Variants in FMN1 observed in about 807,000 individuals in gnomAD.
The protein encoded by FMN1 is formin-1.
Under a neutral mutation model 132.4 loss-of-function variants are expected in FMN1, and 110 were observed. The observed-to-expected ratio is 0.83, with a 90% CI of 0.71 to 0.97. The LOEUF (loss-of-function observed/expected upper bound fraction) is 0.97. Ranked by LOEUF, FMN1 falls within the 50% of genes least tolerant of loss-of-function variation. The pLI is 0.00. For missense variants in FMN1, 1,792 were observed against 1,705.3 expected (o/e 1.05, Z -0.90); for synonymous variants, 722 against 651.7 (o/e 1.11, Z -1.64).
intron 9 of FMN1, among the ~76,000 whole-genome samples, chr15:32,929,546 C>T (rs1251231510): frequency 6.6e-6 from 1 of 152,164 alleles, no homozygotes; most frequent in East Asian, 1.9e-4. Flanking sequence ...TTTCACCTTG[C>T]GTAACAGAAA....
At chr15:32,890,881 T>C (rs2141511311) in intron 15 of FMN1, among the ~76,000 whole-genome samples, 1 of 152,358 alleles carries the variant, frequency 6.6e-6, no homozygotes, top group South Asian at 2.1e-4. Flanking sequence ...AAGTCTTAGA[T>C]TTAAGTCCTT....
intron 17 of FMN1, among the ~76,000 whole-genome samples, chr15:32,810,078 G>A (rs2057820843): frequency 6.6e-6 from 1 of 151,976 alleles, no homozygotes; most frequent in South Asian, 2.1e-4. Flanking sequence ...CACCATGGCT[G>A]GCTAATTTTT....
intron 16 of FMN1, among the ~76,000 whole-genome samples, chr15:32,884,661 A>G (rs1383267459): frequency 2.0e-5 from 3 of 151,996 alleles, no homozygotes; most frequent in Non-Finnish European, 4.4e-5. Context: ...CAGCAAGGAC[A>G]AAGAGGGAGA....
chr15:32,778,864 TATGA>T (rs1338350165), intron 19 of FMN1, among the ~76,000 whole-genome samples: 1 of 152,110 alleles, frequency 6.6e-6, no homozygotes, highest in East Asian at 1.9e-4. Context: ...AAAATTTGCA[TATGA>T]ATGTTTATAG....
chr15:32,804,673 C>A (rs1338427950), intron 17 of FMN1, among the ~76,000 whole-genome samples: 2 of 148,342 alleles, frequency 1.3e-5, no homozygotes, highest in Non-Finnish European at 1.5e-5. Context: ...CCCCCACCCC[C>A]CAACAGGCCC....
chr15:32,836,243 A>G (rs2058624485), intron 17 of FMN1, among the ~76,000 whole-genome samples: 1 of 152,116 alleles, frequency 6.6e-6, no homozygotes, highest in Non-Finnish European at 1.5e-5. Flanking sequence ...GCTTCCAAAC[A>G]AACCCAAACT....
intron 17 of FMN1, among the ~76,000 whole-genome samples, chr15:32,811,750 C>T (rs1201760173): frequency 2.6e-5 from 4 of 151,852 alleles, no homozygotes; most frequent in African/African-American, 7.3e-5. Flanking sequence ...CTGCAACCTC[C>T]GCCTCCTGGG....
intron 2 of FMN1, among the ~76,000 whole-genome samples, chr15:33,191,604 C>T (rs1966081584): frequency 6.6e-6 from 1 of 152,212 alleles, no homozygotes; most frequent in South Asian, 2.1e-4. Context: ...AGCCAGGGAA[C>T]TTGAGAAACA....
Position 33,128,140 on chromosome 15 carries a change from G to A in FMN1, c.1867+24908C>T, listed in dbSNP as rs576555144. Reference sequence around the variant, plus strand: ...AGACACCATGGTGATGGGAGCAGTAGAGAGTGTAACAGAAGTAGGATGGAG... The same window carrying A: ...AGACACCATGGTGATGGGAGCAGTAAAGAGTGTAACAGAAGTAGGATGGAG... On this transcript the variant is annotated intron_variant, in intron 4 of 20. Transcript: ENST00000616417. Among the ~76,000 whole-genome samples, 23 of 151,956 alleles carry A rather than the reference G, an allele frequency of 1.5e-4. No homozygotes were observed. In the East Asian group the frequency reaches 3.9e-3, roughly 25 times the overall value.
At chr15:32,893,358 G>A (rs2060077125) in intron 15 of FMN1, among the ~76,000 whole-genome samples, 2 of 150,770 alleles carry the variant, frequency 1.3e-5, no homozygotes, top group Non-Finnish European at 3.0e-5. Context: ...ATTCAGTCCT[G>A]GTTTTGATTG....
chr15:33,136,793 G>C (rs1023944878), intron 4 of FMN1, among the ~76,000 whole-genome samples: 1 of 152,102 alleles, frequency 6.6e-6, no homozygotes, highest in African/African-American at 2.4e-5. Context: ...ATTTTTTAAA[G>C]TAGACAGAAA....
In FMN1 at chr15:33,153,968, G is replaced by A. The variant is rs560821308; in HGVS notation, c.947C>T (p.Pro316Leu). Reference sequence around the variant, plus strand: ...TTTCTGCTTGCAAGTCCGCTTAGCCGGCTTCTCCATCTCATCCTTTTCTGC... The same window carrying A: ...TTTCTGCTTGCAAGTCCGCTTAGCCAGCTTCTCCATCTCATCCTTTTCTGC... The part of the protein sequence containing the change: ...PEAEKDEMEK[P>L]AKRTCKQKPV... Residue 316 changes from proline (P) to leucine (L), a missense_variant, in exon 4 of 21, where the codon CCG (proline) becomes CTG (leucine). Transcript: ENST00000616417. 82 of 1,536,726 alleles carry A rather than the reference G, an allele frequency of 5.3e-5. No homozygotes were observed. Among genetic ancestry groups the A allele is most frequent in the East Asian group, 2.4e-4 (10 of 40,908 alleles).
At chr15:33,045,956 A>C (rs1025670874) in intron 6 of FMN1, among the ~76,000 whole-genome samples, 13 of 152,328 alleles carry the variant, frequency 8.5e-5, no homozygotes, top group Admixed American at 8.5e-4. Context: ...ATCAGGCTTA[A>C]GGCTCATTTT....
chr15:32,986,566 C>G (rs183697020), intron 7 of FMN1, among the ~76,000 whole-genome samples: 1 of 152,130 alleles, frequency 6.6e-6, no homozygotes, highest in Non-Finnish European at 1.5e-5. Context: ...TTTAATTATA[C>G]ATGTATAAAT....
intron 17 of FMN1, among the ~76,000 whole-genome samples, chr15:32,814,426 G>C (rs746552511): frequency 6.6e-6 from 1 of 152,104 alleles, no homozygotes; most frequent in Non-Finnish European, 1.5e-5. Flanking sequence ...CAACGGGAAG[G>C]GTCTGACCTT....
At chr15:32,949,224 C>T (rs1358946069) in intron 9 of FMN1, among the ~76,000 whole-genome samples, 5 of 151,790 alleles carry the variant, frequency 3.3e-5, no homozygotes, top group Admixed American at 6.6e-5. Flanking sequence ...AAAAAGAGCC[C>T]GAATAGCCAA....
chr15:32,785,222 T>TTTTTTTTTTTTTG (rs2056834409), intron 19 of FMN1, among the ~76,000 whole-genome samples: 1 of 44,650 alleles, frequency 2.2e-5, no homozygotes, highest in Admixed American at 2.2e-4. Context: ...ATATATATTT[T>TTTTTTTTTTTTTG]TTTTTTTTTT....
chr15:32,943,922 T>C (rs1205156872), intron 9 of FMN1, among the ~76,000 whole-genome samples: 1 of 152,050 alleles, frequency 6.6e-6, no homozygotes, highest in Non-Finnish European at 1.5e-5. Flanking sequence ...TGCAAGGCAA[T>C]GAGGTATGGT....
intron 17 of FMN1, chr15:32,811,176 C>T (rs1335467473): frequency 2.3e-6 from 1 of 431,028 alleles, no homozygotes; most frequent in Non-Finnish European, 4.7e-6. Context: ...AGAGTTCTTA[C>T]CCTTACATTT....
Sources: gnomAD v4.1 joint callset for allele counts (sites outside exome capture counted in the v4.1 genomes callset) on GRCh38, gnomAD v4.1.1 for gene constraint, MANE v1.5 for transcripts, NCBI Gene and HGNC (gene_info 2026-07-23, HGNC 2026-07-21) for gene names.